Variants in GABRB1 observed in about 807,000 individuals in gnomAD.
GABRB1 encodes the protein gamma-aminobutyric acid type A receptor subunit beta1, also known as gamma-aminobutyric acid receptor subunit beta-1.
In GABRB1, 17 loss-of-function variants were observed where a neutral mutation model predicts 51.6. The ratio of observed to expected loss-of-function variants is 0.33; its 90% CI spans 0.23 to 0.49. The LOEUF is 0.49. Ranked by LOEUF, GABRB1 falls within the 20% of genes least tolerant of loss-of-function variation. The probability of loss-of-function intolerance (pLI) is 0.99; values close to 1 mark genes in which losing one functional copy is unlikely to be tolerated. For missense variants in GABRB1, 410 were observed against 600.6 expected (o/e 0.68, Z 3.32); for synonymous variants, 247 against 218.9 (o/e 1.13, Z -1.14).
chr4:47,271,622 C>T (rs1383432977), intron 4 of GABRB1, among the ~76,000 whole-genome samples: 3 of 152,142 alleles, frequency 2.0e-5, no homozygotes, highest in Non-Finnish European at 2.9e-5. Flanking sequence ...CTTCTTTGTG[C>T]AGAAGGCAGC....
At position 47,164,288 on chromosome 4, in the gene GABRB1, G is replaced by C. The variant is rs947953936; in HGVS notation, c.461+2819G>C. On this transcript the variant is annotated intron_variant, in intron 4 of 8. Transcript: ENST00000295454. ...TCTGTGATCCTATGTATTAGGGCAT[G>C]TTCATTTTAATTCCCCTGATGTAAC... 1.1e-4 allele frequency among the ~76,000 whole-genome samples: 16 copies of C among 152,140 alleles called. 1 individual carries two copies. The highest frequency in any genetic ancestry group is 7.2e-4 in the Admixed American group (11 of 15,262).
Position 47,105,312 on chromosome 4 carries a change from A to ATC in GABRB1, c.241-55925_241-55924dup, listed in dbSNP as rs1190495140. ...ACTTCAGAGAATCAATCTCTCTTTT[A>ATC]TCTCTCTCTCTCTTTCTCTGCTCTT... On this transcript the variant is annotated intron_variant, in intron 3 of 8. Transcript: ENST00000295454. 2.0e-5 allele frequency among the ~76,000 whole-genome samples: 3 copies of ATC among 151,564 alleles called. No homozygotes were observed. In the East Asian group the frequency reaches 5.8e-4, roughly 29 times the overall value.
chr4:47,150,476 A>T (rs1301272136), intron 3 of GABRB1, among the ~76,000 whole-genome samples: 1 of 152,054 alleles, frequency 6.6e-6, no homozygotes, highest in Non-Finnish European at 1.5e-5. Context: ...AATAATGATT[A>T]AATAATTAAC....
chr4:47,041,904 A>AT (rs753771347), intron 3 of GABRB1, among the ~76,000 whole-genome samples: 6 of 151,922 alleles, frequency 3.9e-5, no homozygotes, highest in African/African-American at 7.2e-5. Context: ...TTCAAATCGT[A>AT]TTTTTTCTAT....
At chr4:47,325,418 G>A (rs1725226471) in intron 5 of GABRB1, among the ~76,000 whole-genome samples, 1 of 133,400 alleles carries the variant, frequency 7.5e-6, no homozygotes. Flanking sequence ...CTGAGGGATA[G>A]CCTCAGACTC....
At chr4:47,191,923 G>A (rs1719454735) in intron 4 of GABRB1, among the ~76,000 whole-genome samples, 1 of 152,094 alleles carries the variant, frequency 6.6e-6, no homozygotes, top group African/African-American at 2.4e-5. Flanking sequence ...CCCGCCCTCT[G>A]CAGACACATA....
chr4:47,113,128 G>A (rs1413990106), intron 3 of GABRB1, among the ~76,000 whole-genome samples: 1 of 152,140 alleles, frequency 6.6e-6, no homozygotes, highest in East Asian at 1.9e-4. Context: ...GTTCGCGCCT[G>A]TAATCCCAGC....
chr4:47,213,912 G>T (rs962163172), intron 4 of GABRB1, among the ~76,000 whole-genome samples: 1 of 151,494 alleles, frequency 6.6e-6, no homozygotes, highest in Non-Finnish European at 1.5e-5. Flanking sequence ...GTAGATGTTG[G>T]CATATCTTAT....
At chr4:47,351,151 C>T (rs957830767) in intron 5 of GABRB1, among the ~76,000 whole-genome samples, 3 of 152,148 alleles carry the variant, frequency 2.0e-5, no homozygotes, top group African/African-American at 4.8e-5. Flanking sequence ...AGATTAGACA[C>T]GATTAGGGTG....
intron 4 of GABRB1, among the ~76,000 whole-genome samples, chr4:47,311,222 C>T (rs186974420): frequency 5.9e-4 from 62 of 105,248 alleles, no homozygotes; most frequent in Non-Finnish European, 1.0e-3. Context: ...GGTAAAAACC[C>T]GTCTCTACTA....
At chr4:47,093,354 T>C (rs778472308) in intron 3 of GABRB1, among the ~76,000 whole-genome samples, 1 of 152,240 alleles carries the variant, frequency 6.6e-6, no homozygotes, top group Non-Finnish European at 1.5e-5. Flanking sequence ...TATTTTGCTA[T>C]GGCTGTCCAT....
At chr4:47,309,845 A>C (rs941138365) in intron 4 of GABRB1, among the ~76,000 whole-genome samples, 1 of 152,098 alleles carries the variant, frequency 6.6e-6, no homozygotes, top group African/African-American at 2.4e-5. Context: ...GCCACATGTT[A>C]CTCTGATAAT....
chr4:47,377,992 C>T (rs907034430), intron 5 of GABRB1, among the ~76,000 whole-genome samples: 1 of 152,246 alleles, frequency 6.6e-6, no homozygotes, highest in South Asian at 2.1e-4. Flanking sequence ...CAGTGGATCT[C>T]GCACTGGGGC....
chr4:47,261,538 A>C (rs1722437261), intron 4 of GABRB1, among the ~76,000 whole-genome samples: 1 of 152,202 alleles, frequency 6.6e-6, no homozygotes, highest in African/African-American at 2.4e-5. Flanking sequence ...CAATGAAATA[A>C]AAGAGGATAC....
chr4:47,005,496 C>T (rs1326770230), intron 1 of GABRB1, among the ~76,000 whole-genome samples: 2 of 151,970 alleles, frequency 1.3e-5, no homozygotes, highest in African/African-American at 2.4e-5. Flanking sequence ...TCAGTGTATG[C>T]TGAAAATGCA....
intron 4 of GABRB1, among the ~76,000 whole-genome samples, chr4:47,303,809 T>C (rs1295225469): frequency 6.6e-6 from 1 of 151,978 alleles, no homozygotes; most frequent in Non-Finnish European, 1.5e-5. Flanking sequence ...ACTGATTATC[T>C]CTCTAATACC....
At chr4:47,286,623 A>C (rs1253404490) in intron 4 of GABRB1, among the ~76,000 whole-genome samples, 2 of 152,218 alleles carry the variant, frequency 1.3e-5, no homozygotes, top group Non-Finnish European at 2.9e-5. Context: ...AAAACCTATA[A>C]GAAATATTGA....
chr4:47,278,112 T>C (rs762104371), intron 4 of GABRB1, among the ~76,000 whole-genome samples: 2 of 152,150 alleles, frequency 1.3e-5, no homozygotes, highest in Non-Finnish European at 2.9e-5. Flanking sequence ...GTGCACACTG[T>C]ATTGCACCTG....
chr4:47,376,347 G>A (rs1560358227), intron 5 of GABRB1, among the ~76,000 whole-genome samples: 2 of 152,200 alleles, frequency 1.3e-5, no homozygotes, highest in Non-Finnish European at 2.9e-5. Flanking sequence ...GGATCTGGCG[G>A]TTAAGAAGCC....
Sources: gnomAD v4.1 joint callset for allele counts (sites outside exome capture counted in the v4.1 genomes callset) on GRCh38, gnomAD v4.1.1 for gene constraint, MANE v1.5 for transcripts, NCBI Gene and HGNC (gene_info 2026-07-23, HGNC 2026-07-21) for gene names.